The following NBAS variants were observed in gnomAD, a reference collection of about 807,000 sequenced individuals.
The protein encoded by NBAS is NBAS subunit of NRZ tethering complex, also known as NAG/BC035112 fusion.
In NBAS, 219 loss-of-function variants were observed where a neutral mutation model predicts 302.5. That is an observed-to-expected ratio of 0.72 (90% CI 0.65 to 0.81). The LOEUF (loss-of-function observed/expected upper bound fraction) is 0.81. Among genes scored for constraint, NBAS ranks in the 30% least tolerant of loss-of-function variants. NBAS has a pLI of 0.00. For missense variants in NBAS, 2,932 were observed against 2,841.6 expected (o/e 1.03, Z -0.72); for synonymous variants, 1,118 against 1,021.6 (o/e 1.09, Z -1.80).
the NBAS span, among the ~76,000 whole-genome samples, chr2:15,009,357 ACCC>A: frequency 5.3e-5 from 8 of 152,042 alleles, no homozygotes; most frequent in Non-Finnish European, 1.0e-4. Flanking sequence ...TGTTGTAAAT[ACCC>A]ATTAGAAAAA....
the NBAS span, among the ~76,000 whole-genome samples, chr2:15,081,610 C>G: frequency 6.6e-6 from 1 of 152,212 alleles, no homozygotes; most frequent in African/African-American, 2.4e-5. Flanking sequence ...AAGGCAGCCA[C>G]ATCCTTCTCC....
intron 24 of NBAS, among the ~76,000 whole-genome samples, chr2:15,416,499 G>A (rs1381468140): frequency 6.6e-6 from 1 of 152,158 alleles, no homozygotes; most frequent in Non-Finnish European, 1.5e-5. Flanking sequence ...AGTAAAGACA[G>A]AGGGAGAGAC....
At chr2:14,863,503 G>A in the NBAS span, among the ~76,000 whole-genome samples, 16 of 152,098 alleles carry the variant, frequency 1.1e-4, no homozygotes, top group Non-Finnish European at 2.2e-4. Context: ...GTTAGGGTAG[G>A]GCAGGAACAA....
At chr2:15,331,889 G>A (rs1023828504) in intron 35 of NBAS, among the ~76,000 whole-genome samples, 2 of 152,154 alleles carry the variant, frequency 1.3e-5, no homozygotes, top group Non-Finnish European at 2.9e-5. Context: ...AGATTATCCT[G>A]AATTATCTGA....
chr2:15,029,355 C>G, the NBAS span, among the ~76,000 whole-genome samples: 2 of 152,154 alleles, frequency 1.3e-5, no homozygotes, highest in African/African-American at 4.8e-5. Flanking sequence ...TAAATCTTAT[C>G]CTGAAATCAG....
chr2:15,543,125 T>C (rs1663930365), intron 6 of NBAS, among the ~76,000 whole-genome samples: 1 of 152,214 alleles, frequency 6.6e-6, no homozygotes, highest in African/African-American at 2.4e-5. Flanking sequence ...TGGTAAAAGT[T>C]AACCAGCAAA....
the NBAS span, among the ~76,000 whole-genome samples, chr2:14,915,862 T>C: frequency 6.6e-6 from 1 of 152,090 alleles, no homozygotes; most frequent in African/African-American, 2.4e-5. Flanking sequence ...GCCTGGCCTC[T>C]GATGGTTTTA....
chr2:15,401,247 T>C (rs896261467), intron 26 of NBAS, among the ~76,000 whole-genome samples: 4 of 152,152 alleles, frequency 2.6e-5, no homozygotes, highest in African/African-American at 7.2e-5. Context: ...AATAACTCTT[T>C]CATGGTAGAT....
chr2:15,397,507 G>A, intron 26 of NBAS: 1 of 586,546 alleles, frequency 1.7e-6, no homozygotes, highest in Non-Finnish European at 3.1e-6. Context: ...TTCGGTCCTT[G>A]CAGGCTTCAT....
At chr2:15,129,863 G>A in the NBAS span, among the ~76,000 whole-genome samples, 1 of 152,202 alleles carries the variant, frequency 6.6e-6, no homozygotes, top group Non-Finnish European at 1.5e-5. Flanking sequence ...TAGGAGCAAA[G>A]GCATACCGTG....
At chr2:15,286,656 C>A (rs74672381) in intron 42 of NBAS, among the ~76,000 whole-genome samples, 9,798 of 152,330 alleles carry the variant, frequency 0.064, 484 homozygotes, top group Non-Finnish European at 0.11. Flanking sequence ...TTAAGTGTTA[C>A]TTCCTGGGAA....
chr2:14,996,470 G>A, the NBAS span, among the ~76,000 whole-genome samples: 8 of 152,296 alleles, frequency 5.3e-5, no homozygotes, highest in Non-Finnish European at 8.8e-5. Flanking sequence ...CAAGCTGTCC[G>A]TCAAGGTCAA....
chr2:15,531,843 G>A (rs548963841), intron 9 of NBAS, among the ~76,000 whole-genome samples: 2 of 152,242 alleles, frequency 1.3e-5, no homozygotes, highest in East Asian at 1.9e-4. Flanking sequence ...TCCTCAATGA[G>A]GGTAATGTGG....
chr2:15,540,847 T>A (rs1231511121), intron 6 of NBAS, among the ~76,000 whole-genome samples: 6 of 151,950 alleles, frequency 3.9e-5, no homozygotes, highest in Non-Finnish European at 8.8e-5. Context: ...CTCAGCCTCC[T>A]GAGTAGCTTG....
At chr2:14,949,388 T>C in the NBAS span, among the ~76,000 whole-genome samples, 1 of 152,020 alleles carries the variant, frequency 6.6e-6, no homozygotes, top group Non-Finnish European at 1.5e-5. Flanking sequence ...AAAAACTCAA[T>C]AGCAAAAAAC....
At chr2:14,867,288 C>G in the NBAS span, among the ~76,000 whole-genome samples, 1 of 152,130 alleles carries the variant, frequency 6.6e-6, no homozygotes, top group Non-Finnish European at 1.5e-5. Flanking sequence ...AGCTTTGTCT[C>G]TACATCATGG....
chr2:15,536,467 C>A lies in NBAS; in HGVS notation c.598G>T (p.Glu200Ter), dbSNP rs1470885035. 4.3e-6 allele frequency: 7 copies of A among 1,613,460 alleles called. No individual in the cohort carries two copies. The highest frequency in any genetic ancestry group is 5.9e-6 in the Non-Finnish European group (7 of 1,179,940). Residue 200 changes from glutamate (E) to a stop codon, truncating the protein, a stop_gained, in exon 8 of 52, where the codon GAA becomes TAA. Transcript: ENST00000281513. LOFTEE classifies it high-confidence loss of function. ...CCTCGGTAATTGATGACCAGGAGTT[C>A]TGCAGACCACTGTGCACTTGCTTTA... ...EYKASAQWSA[E>*]LLVINYRGEL...
At chr2:14,909,584 G>C in the NBAS span, among the ~76,000 whole-genome samples, 1 of 152,270 alleles carries the variant, frequency 6.6e-6, no homozygotes, top group South Asian at 2.1e-4. Context: ...TTCTTTGTCT[G>C]TAAAAAATAG....
In NBAS at chr2:15,539,298, T is replaced by C. The variant is rs765808752; in HGVS notation, c.438A>G (p.Leu146=). 4.3e-6 allele frequency: 7 copies of C among 1,614,124 alleles called. No individual in the cohort carries two copies. Among genetic ancestry groups the C allele is most frequent in the African/African-American group, 4.0e-5 (3 of 74,950 alleles). ...RRVAWSYDCT[L]LAYAESTGTV... ...TTCCTGTGCTTTCGGCATAGGCCAGTAGGGTACAATCGTAACTCCATGCTA... is the reference window on the plus strand; with the variant it reads ...TTCCTGTGCTTTCGGCATAGGCCAGCAGGGTACAATCGTAACTCCATGCTA... The change falls in exon 7 of 52, where the codon CTA becomes CTG. Residue 146 remains leucine (L), a synonymous_variant. Coordinates refer to ENST00000281513, the MANE Select transcript of NBAS (RefSeq NM_015909.4).
Sources: gnomAD v4.1 joint callset for allele counts (sites outside exome capture counted in the v4.1 genomes callset) on GRCh38, gnomAD v4.1.1 for gene constraint, MANE v1.5 for transcripts, NCBI Gene and HGNC (gene_info 2026-07-23, HGNC 2026-07-21) for gene names.